The following PARD3B variants were observed in gnomAD, a reference collection of about 807,000 sequenced individuals.
PARD3B encodes par-3 family cell polarity regulator beta, also known as partitioning defective 3 homolog B.
A neutral mutation model predicts 130.2 loss-of-function variants in PARD3B; 103 were observed. That is an observed-to-expected ratio of 0.79 (90% CI 0.67 to 0.93). PARD3B has a LOEUF of 0.93. Ranked by LOEUF, PARD3B falls within the 40% of genes least tolerant of loss-of-function variation. The pLI, the probability that PARD3B is intolerant of heterozygous loss-of-function variation, is 0.00. For missense variants in PARD3B, 1,609 were observed against 1,499.2 expected (o/e 1.07, Z -1.21); for synonymous variants, 583 against 553.2 (o/e 1.05, Z -0.76).
intron 15 of PARD3B, among the ~76,000 whole-genome samples, chr2:205,243,525 A>G (rs1357040022): frequency 6.6e-6 from 1 of 152,242 alleles, no homozygotes; most frequent in Non-Finnish European, 1.5e-5. Flanking sequence ...TGAACCCATC[A>G]GAATCATCAA....
intron 1 of PARD3B, among the ~76,000 whole-genome samples, chr2:204,589,830 T>C (rs2032999970): frequency 6.6e-6 from 1 of 152,206 alleles, no homozygotes; most frequent in Non-Finnish European, 1.5e-5. Context: ...GAAATTTAAT[T>C]TGCTTTTGAG....
At chr2:205,554,810 G>A (rs572086710) in intron 22 of PARD3B, among the ~76,000 whole-genome samples, 2 of 152,244 alleles carry the variant, frequency 1.3e-5, no homozygotes, top group East Asian at 3.9e-4. Context: ...AGTATTATAA[G>A]TAATCTAGGG....
At chr2:204,802,560 T>C (rs1469095033) in intron 2 of PARD3B, among the ~76,000 whole-genome samples, 1 of 152,152 alleles carries the variant, frequency 6.6e-6, no homozygotes, top group East Asian at 1.9e-4. Context: ...ATTGCAACAC[T>C]ATTCACAATA....
Position 204,675,837 on chromosome 2 carries a change from A to C in PARD3B, c.121-10344A>C, listed in dbSNP as rs1164188646. ...AATAAGTAATATTATTAAAACTTAG[A>C]TTATGAGATACTGTAGAAACAAATT... On this transcript the variant is annotated intron_variant, in intron 1 of 22. Transcript: ENST00000406610. This position sits in a 1 kb window ranked among gnomAD's most constrained non-coding sequence, Gnocchi z 4.4. Among the ~76,000 whole-genome samples the C allele has an allele frequency of 6.6e-6, 1 of 152,212 alleles. No individual in the cohort carries two copies. The highest frequency in any genetic ancestry group is 6.5e-5 in the Admixed American group (1 of 15,290).
In PARD3B at chr2:205,121,573, T is replaced by C. The variant is rs1223252433; in HGVS notation, c.807-18T>C. 6.2e-7 allele frequency: 1 copy of C among 1,604,682 alleles called. No individual in the cohort carries two copies. The highest frequency in any genetic ancestry group is 1.7e-5 in the Admixed American group (1 of 59,722). ...CCTCAAAGCAGGGTCATCATACATT[T>C]ATCAACTTTCTTTCCAGGGCTCAAG... On this transcript the variant is annotated intron_variant, in intron 7 of 22. Transcript: ENST00000406610. This position sits in a 1 kb window ranked among gnomAD's most constrained non-coding sequence, Gnocchi z 5.0.
intron 2 of PARD3B, among the ~76,000 whole-genome samples, chr2:204,841,222 G>A (rs1030354647): frequency 2.0e-5 from 3 of 152,118 alleles, no homozygotes; most frequent in African/African-American, 4.8e-5. Context: ...GGATGCTGCC[G>A]GAGAGGTTAC....
At chr2:204,586,632 A>C (rs2032838741) in intron 1 of PARD3B, among the ~76,000 whole-genome samples, 2 of 152,182 alleles carry the variant, frequency 1.3e-5, no homozygotes, top group African/African-American at 4.8e-5. Context: ...CACAATCAGA[A>C]AGAACATGTA....
At chr2:205,483,918 C>T (rs928363897) in intron 20 of PARD3B, among the ~76,000 whole-genome samples, 4 of 152,126 alleles carry the variant, frequency 2.6e-5, no homozygotes, top group Admixed American at 2.6e-4. Context: ...CATGTTACCT[C>T]CTTTCATCTT....
intron 22 of PARD3B, among the ~76,000 whole-genome samples, chr2:205,561,583 C>T (rs1047017838): frequency 1.2e-4 from 18 of 152,290 alleles, no homozygotes; most frequent in Admixed American, 2.0e-4. Flanking sequence ...GCAGTCATGC[C>T]GGCGGTTGGA....
chr2:204,854,770 G>A (rs2044852467), intron 2 of PARD3B, among the ~76,000 whole-genome samples: 1 of 152,116 alleles, frequency 6.6e-6, no homozygotes, highest in African/African-American at 2.4e-5. Flanking sequence ...ATAAAGGTAT[G>A]TACACTTCTG....
intron 18 of PARD3B, among the ~76,000 whole-genome samples, chr2:205,375,465 C>T (rs186921632): frequency 6.6e-5 from 10 of 152,166 alleles, no homozygotes; most frequent in East Asian, 1.9e-4. Context: ...AATAGGGAGC[C>T]GACAGAGACC....
chr2:204,797,513 A>G (rs1287133248), intron 2 of PARD3B, among the ~76,000 whole-genome samples: 1 of 152,194 alleles, frequency 6.6e-6, no homozygotes, highest in East Asian at 1.9e-4. Flanking sequence ...TCATAAAGGA[A>G]AATTATTAAA....
At chr2:204,760,234 C>A (rs2040843030) in intron 2 of PARD3B, among the ~76,000 whole-genome samples, 1 of 151,994 alleles carries the variant, frequency 6.6e-6, no homozygotes, top group South Asian at 2.1e-4. Context: ...AGGAAGAATA[C>A]ATGAATTTTC....
intron 1 of PARD3B, among the ~76,000 whole-genome samples, chr2:204,567,522 A>G (rs2031745614): frequency 6.6e-6 from 1 of 152,162 alleles, no homozygotes; most frequent in South Asian, 2.1e-4. Context: ...TGGTTAATTC[A>G]TGTTGTATCA....
intron 1 of PARD3B, among the ~76,000 whole-genome samples, chr2:204,584,983 G>C (rs1404252931): frequency 6.6e-6 from 1 of 152,218 alleles, no homozygotes; most frequent in African/African-American, 2.4e-5. Flanking sequence ...GATGGGAGCA[G>C]GTGGTGTTTC....
chr2:204,919,161 A>G (rs1236844167), intron 2 of PARD3B, among the ~76,000 whole-genome samples: 1 of 152,058 alleles, frequency 6.6e-6, no homozygotes, highest in Non-Finnish European at 1.5e-5. Context: ...TTTTTTATGC[A>G]TTTCCAAGTA....
chr2:204,691,004 T>C (rs2037328335), intron 2 of PARD3B, among the ~76,000 whole-genome samples: 1 of 152,220 alleles, frequency 6.6e-6, no homozygotes, highest in South Asian at 2.1e-4. Flanking sequence ...TCGTCTATAG[T>C]GTAGAAATTA....
rs1158285625 is a variant in PARD3B at position 205,304,453 on chromosome 2, T to C, written c.2630+2752T>C. Reference sequence around the variant, plus strand: ...GAGTTCGAGACCAGCTTGACTAACATGGAGAAACCCCTTCTCTACTAAAAA... The same window carrying C: ...GAGTTCGAGACCAGCTTGACTAACACGGAGAAACCCCTTCTCTACTAAAAA... On this transcript the variant is annotated intron_variant, in intron 18 of 22. Coordinates refer to ENST00000406610, the MANE Select transcript of PARD3B (RefSeq NM_001302769.2). Among the ~76,000 whole-genome samples the C allele has an allele frequency of 2.0e-5, 3 of 151,302 alleles. No homozygotes were observed. In the East Asian group the frequency reaches 5.9e-4, roughly 30 times the overall value.
intron 2 of PARD3B, among the ~76,000 whole-genome samples, chr2:204,792,850 C>T (rs1360511346): frequency 1.3e-5 from 2 of 152,024 alleles, no homozygotes; most frequent in African/African-American, 4.8e-5. Context: ...TTGATTACCT[C>T]CTACATCTCT....
Sources: gnomAD v4.1 joint callset for allele counts (sites outside exome capture counted in the v4.1 genomes callset) on GRCh38, gnomAD v4.1.1 for gene constraint, Gnocchi (gnomAD v3.1) non-coding constraint, MANE v1.5 for transcripts, NCBI Gene and HGNC (gene_info 2026-07-23, HGNC 2026-07-21) for gene names.